The following C3 variants were observed in gnomAD, a reference collection of about 807,000 sequenced individuals.
The protein encoded by C3 is complement C3.
Under a neutral mutation model 207.9 loss-of-function variants are expected in C3, and 97 were observed. The ratio of observed to expected loss-of-function variants is 0.47; its 90% CI spans 0.40 to 0.55. C3 has a LOEUF of 0.55. C3 is among the 20% of genes least tolerant of loss of function. C3 has a pLI of 0.00. For missense variants in C3, 1,684 were observed against 2,171.7 expected (o/e 0.78, Z 4.46); for synonymous variants, 848 against 857.6 (o/e 0.99, Z 0.20).
chr19:6,710,593 G>T, intron 13 of C3, 46 bp downstream of exon 13: 1 of 1,393,688 alleles, frequency 7.2e-7, no homozygotes, highest in African/African-American at 1.4e-5. Context: ...AGAGAGAGAG[G>T]AGTAGGGAGA....
intron 21 of C3, 57 bp downstream of exon 21, chr19:6,697,287 C>A: frequency 7.6e-7 from 1 of 1,311,208 alleles, no homozygotes; most frequent in Non-Finnish European, 1.1e-6. Context: ...GTCAATAGTA[C>A]GAAGACCAGG....
At chr19:6,707,435 G>A (rs749463363) in intron 16 of C3, 31 bp downstream of exon 16, 34 of 1,611,264 alleles carry the variant, frequency 2.1e-5, no homozygotes, top group Non-Finnish European at 2.8e-5. Flanking sequence ...GGTGGGGCTC[G>A]GGGGCAGGAG....
At chr19:6,682,084 A>G (rs1917878960) in intron 34 of C3, 54 bp from the exon 35 acceptor site, 1 of 1,602,298 alleles carries the variant, frequency 6.2e-7, no homozygotes, top group African/African-American at 1.3e-5. Context: ...CTCTCCCTGC[A>G]GCCTCTTCCA....
At chr19:6,709,939 G>C in intron 13 of C3, 97 bp from the exon 14 acceptor site, 1 of 1,153,900 alleles carries the variant, frequency 8.7e-7, no homozygotes. Flanking sequence ...AGACAGAAAG[G>C]TTGGGGGGAG....
intron 11 of C3, 28 bp from the exon 12 acceptor site, chr19:6,711,224 G>A: frequency 6.3e-7 from 1 of 1,593,604 alleles, no homozygotes; most frequent in Non-Finnish European, 8.6e-7. Context: ...GATGCCTGCT[G>A]GTCGCCGCCC....
chr19:6,681,886 G>T, intron 35 of C3, 55 bp downstream of exon 35: 1 of 1,283,116 alleles, frequency 7.8e-7, no homozygotes, highest in Non-Finnish European at 1.1e-6. Flanking sequence ...AGACCAGCCA[G>T]ATAGAGGTCA....
chr19:6,694,615 C>A lies in C3; in HGVS notation c.2970G>T (p.Met990Ile). The A allele has an allele frequency of 6.2e-7, 1 of 1,612,888 alleles. No homozygotes were observed. The highest frequency in any genetic ancestry group is 8.5e-7 in the Non-Finnish European group (1 of 1,179,846). ...GTTCCGCGTCGACGGCATCCTCTGT[C>A]ATCTGGGCCACTGGGGTCCCTGCAG... is the stretch of plus-strand genomic sequence containing the variant. ...ILLQGTPVAQ[M>I]TEDAVDAERL... The change falls in exon 24 of 41, where the codon ATG (methionine) becomes ATT (isoleucine). Residue 990 changes from methionine (M) to isoleucine (I), a missense_variant. This residue lies in a region of C3 where 1,280 missense variants were observed against 1,739.1 expected (regional missense o/e 0.74). Transcript: ENST00000245907.
intron 17 of C3, among the ~76,000 whole-genome samples, chr19:6,705,749 ACTG>A (rs1967761232): frequency 6.6e-6 from 1 of 151,802 alleles, no homozygotes; most frequent in African/African-American, 2.4e-5. Flanking sequence ...ATCTCAGCTC[ACTG>A]CAACCTAAAC....
intron 13 of C3, among the ~76,000 whole-genome samples, chr19:6,710,160 GAGAGAGAGGGAA>G (rs1387873838): frequency 9.2e-5 from 13 of 141,948 alleles, no homozygotes; most frequent in African/African-American, 3.4e-4. Flanking sequence ...AAGGGAGAGG[GAGAGAGAGGGAA>G]AGAGAGAGGG....
chr19:6,719,208 C>T lies in C3; in HGVS notation c.267+3G>A. ...GCCGGGTCCTGCGCCAGTCTGCACTCACCGTGAAGGTGACGTTGCCCATGT... is the reference window on the plus strand; with the variant it reads ...GCCGGGTCCTGCGCCAGTCTGCACTTACCGTGAAGGTGACGTTGCCCATGT... On this transcript the variant is annotated splice_donor_region_variant and intron_variant, in intron 2 of 40. Coordinates refer to ENST00000245907, the MANE Select transcript of C3 (RefSeq NM_000064.4). This position sits in a 1 kb window ranked among gnomAD's most constrained non-coding sequence, Gnocchi z 5.4. The T allele has an allele frequency of 6.2e-7, 1 of 1,613,784 alleles. No homozygotes were observed. Among genetic ancestry groups the T allele is most frequent in the Non-Finnish European group, 8.5e-7 (1 of 1,179,758 alleles).
rs766732348 is a variant in C3, at chr19:6,678,128, C to T, written c.4850+24G>A. On this transcript the variant is annotated intron_variant, in intron 40 of 40. Transcript: ENST00000245907. ...TGGGCGGGGCAGTCGGGCGGTCGCGCGCACGCGCAGGGAAAGCACTCACTT... is the reference window on the plus strand; with the variant it reads ...TGGGCGGGGCAGTCGGGCGGTCGCGTGCACGCGCAGGGAAAGCACTCACTT... 4.3e-6 allele frequency: 7 copies of T among 1,613,922 alleles called. No homozygotes were observed. The South Asian group carries it at 4.4e-5, about 10-fold the overall frequency.
chr19:6,680,917 T>G (rs344553), intron 35 of C3, among the ~76,000 whole-genome samples: 111,364 of 151,448 alleles, frequency 0.74, 41,134 homozygotes, highest in African/African-American at 0.81. Context: ...ACAGAAGAGG[T>G]GGCAGGTGTG....
At position 6,701,598 on chromosome 19, in the gene C3, G is replaced by A. The variant is rs11569466; in HGVS notation, c.2440+529C>T. Among the ~76,000 whole-genome samples the A allele has an allele frequency of 9.5e-3, 1,448 of 152,130 alleles. 38 individuals are homozygous for A. The highest frequency in any genetic ancestry group is 0.043 in the East Asian group (221 of 5,170). On this transcript the variant is annotated intron_variant, in intron 19 of 40. Coordinates refer to ENST00000245907, the MANE Select transcript of C3 (RefSeq NM_000064.4). ...TGCAGTGGCACAATCTCAGCTCACC[G>A]CAACCTCCACCTCCCGGGTTCAACC...
In C3 at chr19:6,711,195, A is replaced by G; in HGVS notation, c.1271T>C (p.Val424Ala). The G allele has an allele frequency of 6.2e-7, 1 of 1,611,718 alleles. No homozygotes were observed. The highest frequency in any genetic ancestry group is 2.2e-5 in the East Asian group (1 of 44,872). ...HPSQKPLSITVRTKKQELSEA... is the reference protein window; with the variant it reads ...HPSQKPLSITARTKKQELSEA... Reference sequence around the variant, plus strand: ...CGAGAGCTCCTGCTTCTTCGTGCGCACCTGGGTGGGGAAAGAGGGATGCCT... The same window carrying G: ...CGAGAGCTCCTGCTTCTTCGTGCGCGCCTGGGTGGGGAAAGAGGGATGCCT... The change falls in exon 12 of 41, where the codon GTG becomes GCG. Residue 424 changes from valine to alanine, a missense_variant and splice_region_variant. Physicochemically the swap from Val to Ala is moderately conservative, Grantham distance 64. Around this residue, in one of 3 missense-constraint regions of C3, gnomAD observed 1,280 missense variants for 1,739.1 expected, o/e 0.74. Transcript: ENST00000245907.
rs753743605 is a variant in C3 at position 6,697,551 on chromosome 19, C to T, written c.2589G>A (p.Arg863=). 2.5e-6 allele frequency: 4 copies of T among 1,613,710 alleles called. No individual in the cohort carries two copies. Among genetic ancestry groups the T allele is most frequent in the East Asian group, 2.2e-5 (1 of 44,868 alleles). ...NYRQNQELKV[R]VELLHNPAFC... is the part of the protein sequence containing the mutation. The stretch of plus-strand genomic sequence containing the variant: ...AGGCTGGATTGTGGAGTAGTTCCAC[C>T]CTCACCTGCCAGGGAGAGAAAGGAT... The change falls in exon 21 of 41, where the codon AGG becomes AGA. Residue 863 remains arginine, a synonymous_variant. Transcript: ENST00000245907.
rs1967859525 is a variant in C3, at chr19:6,709,567, T to C, written c.1845+117A>G. On this transcript the variant is annotated intron_variant, in intron 14 of 40. Transcript: ENST00000245907. ...CATCCCTGTGTCTGGTCTGCTCCGA[T>C]CTCTGCTTTCAGCGCATGCCCCCCA... The C allele has an allele frequency of 6.0e-6, 7 of 1,159,860 alleles. No homozygotes were observed. In the Admixed American group the frequency reaches 1.0e-4, roughly 17 times the overall value. The allele number at this position is 1,159,860 out of a possible 1,614,324, so 71.8% of individuals were successfully genotyped here.
intron 19 of C3, 87 bp from the exon 20 acceptor site, chr19:6,697,881 G>A (rs1003141068): frequency 1.1e-5 from 15 of 1,341,422 alleles, no homozygotes; most frequent in African/African-American, 7.3e-5. Flanking sequence ...AGTCCACTCC[G>A]CAGGAGCTCT....
Position 6,707,117 on chromosome 19 carries a change from C to T in C3, c.2204G>A (p.Arg735Gln), listed in dbSNP as rs201285239. 3.2e-5 allele frequency: 52 copies of T among 1,613,286 alleles called. No individual in the cohort carries two copies. In the Admixed American group the frequency reaches 3.7e-4, roughly 11 times the overall value. The change falls in exon 17 of 41, where the codon CGG (arginine) becomes CAG (glutamine). Residue 735 changes from arginine (R) to glutamine (Q), a missense_variant. By Grantham distance (43) the Arg-to-Gln change is conservative. This residue lies in a region of C3 where 1,280 missense variants were observed against 1,739.1 expected (regional missense o/e 0.74). Transcript: ENST00000245907. ...GTGGCTGGCCCGCGCGTGCTGCCGC[C>T]GCAGCTCTGTGATGTAGTTGCAGCA... ...LDCCNYITEL[R>Q]RQHARASHLG...
At chr19:6,692,196 G>A (rs898617852) in intron 26 of C3, among the ~76,000 whole-genome samples, 1 of 152,134 alleles carries the variant, frequency 6.6e-6, no homozygotes, top group African/African-American at 2.4e-5. Flanking sequence ...TCGACCTCCT[G>A]GGCTCAAGCC....
Sources: gnomAD v4.1 joint callset for allele counts (sites outside exome capture counted in the v4.1 genomes callset) on GRCh38, gnomAD v4.1.1 for gene constraint, gnomAD v4.1.1 regional missense constraint, Gnocchi (gnomAD v3.1) non-coding constraint, MANE v1.5 for transcripts, NCBI Gene and HGNC (gene_info 2026-07-23, HGNC 2026-07-21) for gene names.